JMY: variants seen among roughly 807,000 people sequenced by gnomAD.
The protein encoded by JMY is junction mediating and regulatory protein, p53 cofactor, also known as junction-mediating and -regulatory protein.
Under a neutral mutation model 103.3 loss-of-function variants are expected in JMY, and 46 were observed. The observed-to-expected ratio is 0.45, with a 90% confidence interval of 0.35 to 0.57. The LOEUF is 0.57. Among genes scored for constraint, JMY ranks in the 20% least tolerant of loss-of-function variants. The pLI is 0.00. For synonymous variants in JMY, 526 were observed against 489.3 expected (o/e 1.07, Z -0.99); for missense variants, 1,238 against 1,255.2 (o/e 0.99, Z 0.21).
intron 1 of JMY, among the ~76,000 whole-genome samples, chr5:79,269,310 G>T (rs925781229): frequency 2.0e-5 from 3 of 152,114 alleles, no homozygotes; most frequent in Non-Finnish European, 4.4e-5. Flanking sequence ...CTACTTGTCT[G>T]TTCTTTCACA....
intron 1 of JMY, among the ~76,000 whole-genome samples, chr5:79,239,528 C>G (rs921151851): frequency 6.6e-5 from 10 of 152,124 alleles, no homozygotes. Flanking sequence ...ACTGTCAGGC[C>G]GGTCGCGGTG....
At chr5:79,311,526 T>G (rs1747047828) in intron 7 of JMY, among the ~76,000 whole-genome samples, 1 of 152,150 alleles carries the variant, frequency 6.6e-6, no homozygotes, top group African/African-American at 2.4e-5. Flanking sequence ...CATTTGAAAT[T>G]ATCTGGTCTG....
At chr5:79,281,191 C>T (rs1199421455) in intron 2 of JMY, among the ~76,000 whole-genome samples, 1 of 151,364 alleles carries the variant, frequency 6.6e-6, no homozygotes, top group African/African-American at 2.4e-5. Context: ...ACTACAGGCA[C>T]CTGCCACCAC....
rs1561310558 is a variant in JMY at position 79,300,800 on chromosome 5, A to G, written c.1818A>G (p.Ala606=). ...AGCTGCAGAAACTTCAGCAGAAAGC[A>G]CGCCAGCTGGAAGCAAGACGTGGAC... ...REELQKLQQK[A]RQLEARRGRV... Residue 606 remains alanine, a synonymous_variant, in exon 6 of 11, where the codon GCA becomes GCG. Coordinates refer to ENST00000396137, the MANE Select transcript of JMY (RefSeq NM_152405.5). 1 of 1,611,254 alleles carries G rather than the reference A, an allele frequency of 6.2e-7. No individual in the cohort carries two copies. Among genetic ancestry groups the G allele is most frequent in the Non-Finnish European group, 8.5e-7 (1 of 1,179,108 alleles).
At chr5:79,278,793 C>CTT (rs533961398) in intron 2 of JMY, among the ~76,000 whole-genome samples, 1,394 of 114,132 alleles carry the variant, frequency 0.012, 37 homozygotes, top group African/African-American at 0.037. Flanking sequence ...GGGAACATTT[C>CTT]TTTTTTTTTT....
chr5:79,285,803 A>G (rs1436746771), intron 2 of JMY, among the ~76,000 whole-genome samples: 1 of 152,202 alleles, frequency 6.6e-6, no homozygotes, highest in East Asian at 1.9e-4. Context: ...ACATTCACAG[A>G]TTTATCTTGG....
At chr5:79,307,065 C>T (rs1473050522) in intron 7 of JMY, among the ~76,000 whole-genome samples, 3 of 152,210 alleles carry the variant, frequency 2.0e-5, no homozygotes, top group Non-Finnish European at 4.4e-5. Flanking sequence ...TAAGGTTGCT[C>T]CATGTCTTCA....
intron 1 of JMY, among the ~76,000 whole-genome samples, chr5:79,251,327 G>T (rs1206253402): frequency 6.6e-6 from 1 of 151,932 alleles, no homozygotes; most frequent in Non-Finnish European, 1.5e-5. Context: ...AACCTCCTAG[G>T]CTCAAGTGAT....
rs535772222 is a variant in JMY at position 79,292,352 on chromosome 5, T to G, written c.1527+1053T>G. ...CTTTGTTGTTGTTGTTGAAACAGTG[T>G]CTCATTCTGTCACCCAGGCTGGAGT... On this transcript the variant is annotated intron_variant, in intron 4 of 10. Transcript: ENST00000396137. 2.0e-5 allele frequency among the ~76,000 whole-genome samples: 3 copies of G among 152,236 alleles called. No homozygotes were observed. The South Asian group carries it at 6.2e-4, about 32-fold the overall frequency.
Position 79,314,629 on chromosome 5 carries a change from C to A in JMY, c.2437C>A (p.Pro813Thr). 1 of 1,519,842 alleles carries A rather than the reference C, an allele frequency of 6.6e-7. No individual in the cohort carries two copies. Among genetic ancestry groups the A allele is most frequent in the Non-Finnish European group, 9.1e-7 (1 of 1,101,496 alleles). 94.1% of individuals were successfully genotyped at this position (1,519,842 alleles called of 1,614,324 possible). A position where few individuals can be genotyped will look rare whatever the true frequency, so the allele number is the denominator to read the frequency against. ...ATCCCCTCTTCCTCCAACACCACCACCTCCCCCACCTCCTCCCCCTCCCCC... is the reference window on the plus strand; with the variant it reads ...ATCCCCTCTTCCTCCAACACCACCAACTCCCCCACCTCCTCCCCCTCCCCC... ...LPSPLPPTPP[P>T]PPPPPPPPPP... is the part of the protein sequence containing the mutation. The change falls in exon 9 of 11, where the codon CCT (proline) becomes ACT (threonine). Residue 813 changes from proline to threonine, a missense_variant. By Grantham distance (38) the Pro-to-Thr change is conservative (BLOSUM62 -1). Coordinates refer to ENST00000396137, the MANE Select transcript of JMY (RefSeq NM_152405.5).
intron 1 of JMY, among the ~76,000 whole-genome samples, chr5:79,255,725 A>G (rs1013327964): frequency 6.6e-6 from 1 of 152,356 alleles, no homozygotes; most frequent in African/African-American, 2.4e-5. Context: ...ATGTGAAAGA[A>G]TTCACTGGAT....
At chr5:79,252,821 G>A (rs535375503) in intron 1 of JMY, among the ~76,000 whole-genome samples, 1 of 152,084 alleles carries the variant, frequency 6.6e-6, no homozygotes, top group Non-Finnish European at 1.5e-5. Flanking sequence ...GTCTTCATAG[G>A]TGAATGTGTT....
intron 10 of JMY, among the ~76,000 whole-genome samples, chr5:79,319,428 C>T (rs1747364563): frequency 6.6e-6 from 1 of 152,128 alleles, no homozygotes; most frequent in South Asian, 2.1e-4. Flanking sequence ...CTAGTATGGA[C>T]TGATTAGGCA....
chr5:79,249,627 A>T lies in JMY; in HGVS notation c.1032+11945A>T, dbSNP rs186318172. On this transcript the variant is annotated intron_variant, in intron 1 of 10. Coordinates refer to ENST00000396137, the MANE Select transcript of JMY (RefSeq NM_152405.5). ...ACAGGTATTTATCTGAAGTATCAGC[A>T]TGTTTTTGGGTTTAAAAATTGAAAA... Among the ~76,000 whole-genome samples the T allele has an allele frequency of 4.3e-4, 66 of 152,318 alleles. 1 individual carries two copies. The highest frequency in any genetic ancestry group is 1.5e-3 in the African/African-American group (62 of 41,570).
At chr5:79,312,277 C>CA (rs563411030) in intron 7 of JMY, 126 bp from the exon 8 acceptor site, 79 of 468,344 alleles carry the variant, frequency 1.7e-4, no homozygotes, top group South Asian at 8.1e-4. Flanking sequence ...GTTTCATGAA[C>CA]AAAAAAAAAT....
chr5:79,302,833 C>T (rs1746777848), intron 6 of JMY, among the ~76,000 whole-genome samples: 1 of 152,182 alleles, frequency 6.6e-6, no homozygotes, highest in Non-Finnish European at 1.5e-5. Flanking sequence ...TATCCTCCAC[C>T]TCAATAAGGT....
chr5:79,264,459 G>A (rs1265142530), intron 1 of JMY, among the ~76,000 whole-genome samples: 1 of 151,502 alleles, frequency 6.6e-6, no homozygotes, highest in African/African-American at 2.4e-5. Flanking sequence ...GAACTCCTGA[G>A]CTCAAGTGAT....
At chr5:79,312,638 T>C in intron 8 of JMY, 140 bp downstream of exon 8, 1 of 427,518 alleles carries the variant, frequency 2.3e-6, no homozygotes, top group Non-Finnish European at 4.2e-6. Context: ...GGAAGTCCTT[T>C]TTAAAATTGT....
rs149744730 is a variant in JMY at position 79,290,200 on chromosome 5, C to G, written c.1286C>G (p.Ala429Gly). 1.7e-5 allele frequency: 27 copies of G among 1,598,214 alleles called. No homozygotes were observed. The African/African-American group carries it at 3.6e-4, about 21-fold the overall frequency. ...QKEDADWQRK[A>G]HMAVLSIQDL... is the part of the protein sequence containing the mutation. The stretch of plus-strand genomic sequence containing the variant: ...GAAGATGCTGATTGGCAGCGGAAAG[C>G]TCACATGGCTGTACTGTCTATTCAA... Residue 429 changes from alanine to glycine, a missense_variant, in exon 3 of 11, where the codon GCT becomes GGT. Ala to Gly is a moderately conservative substitution (Grantham distance 60). Transcript: ENST00000396137.
Sources: allele counts gnomAD v4.1 joint callset (sites outside exome capture counted in the v4.1 genomes callset), GRCh38; gene constraint gnomAD v4.1.1; transcripts MANE v1.5; gene names NCBI Gene and HGNC (gene_info 2026-07-23, HGNC 2026-07-21).